The following PDZRN4 variants were observed in gnomAD, a reference collection of about 807,000 sequenced individuals.
PDZRN4 encodes the protein PDZ domain-containing RING finger protein 4.
A neutral mutation model predicts 99.0 loss-of-function variants in PDZRN4; 70 were observed. The observed-to-expected ratio is 0.71, with a 90% CI of 0.58 to 0.86. The LOEUF (loss-of-function observed/expected upper bound fraction) is 0.86, where lower values mean the gene tolerates loss of function less well. Among genes scored for constraint, PDZRN4 ranks in the 40% least tolerant of loss-of-function variants. PDZRN4 has a pLI of 0.00. For synonymous variants in PDZRN4, 551 were observed against 501.6 expected, an observed-to-expected ratio of 1.10 and a Z score of -1.32; for missense variants, 1,474 against 1,331.2, an observed-to-expected ratio of 1.11 and a Z score of -1.67.
chr12:41,228,161 G>A (rs78800525), intron 3 of PDZRN4, among the ~76,000 whole-genome samples: 3,352 of 152,176 alleles, frequency 0.022, 91 homozygotes, highest in African/African-American at 0.064. Context: ...ATTACAGAAC[G>A]TTATGAACAA....
At position 41,416,258 on chromosome 12, in the gene PDZRN4, G is replaced by A. The variant is rs577938166; in HGVS notation, c.844-90198G>A. Among the ~76,000 whole-genome samples the A allele has an allele frequency of 1.8e-3, 272 of 152,218 alleles. 2 individuals carry two copies. Among genetic ancestry groups the A allele is most frequent in the African/African-American group, 6.2e-3 (258 of 41,524 alleles). On this transcript the variant is annotated intron_variant, in intron 3 of 9. Transcript: ENST00000402685. ...TGGTAAGTAAATTTTTATTTTAGAG[G>A]TAACATTTTTCTTCTGTTGTAAATA...
chr12:41,214,694 C>CT (rs988646666), intron 3 of PDZRN4, among the ~76,000 whole-genome samples: 2 of 151,620 alleles, frequency 1.3e-5, no homozygotes, highest in Non-Finnish European at 2.9e-5. Flanking sequence ...TTATAAATGA[C>CT]TTTTTTTTCA....
chr12:41,466,342 T>C (rs1322210347), intron 3 of PDZRN4, among the ~76,000 whole-genome samples: 2 of 152,148 alleles, frequency 1.3e-5, no homozygotes, highest in Non-Finnish European at 2.9e-5. Flanking sequence ...CGCCATTATC[T>C]CCAACACAAA....
chr12:41,340,999 A>G (rs889418336), intron 3 of PDZRN4, among the ~76,000 whole-genome samples: 2 of 151,972 alleles, frequency 1.3e-5, no homozygotes, highest in African/African-American at 4.8e-5. Flanking sequence ...CAGTACATTA[A>G]AAAGATAATT....
intron 3 of PDZRN4, among the ~76,000 whole-genome samples, chr12:41,259,594 G>T (rs1951224242): frequency 6.6e-6 from 1 of 152,248 alleles, no homozygotes; most frequent in South Asian, 2.1e-4. Context: ...GATGACCTTT[G>T]TTGCAGACTA....
At chr12:41,211,510 T>C (rs1015339440) in intron 3 of PDZRN4, among the ~76,000 whole-genome samples, 1 of 151,988 alleles carries the variant, frequency 6.6e-6, no homozygotes, top group Admixed American at 6.6e-5. Context: ...AGCTTTTCTC[T>C]GAGGTGCTCA....
chr12:41,536,534 G>A (rs760511819), intron 5 of PDZRN4, among the ~76,000 whole-genome samples: 5 of 152,090 alleles, frequency 3.3e-5, no homozygotes, highest in Non-Finnish European at 7.4e-5. Flanking sequence ...CAAACCCACA[G>A]AATGTACAAT....
intron 2 of PDZRN4, among the ~76,000 whole-genome samples, 163 bp downstream of exon 2, chr12:41,191,707 A>C (rs1178400019): frequency 6.6e-6 from 1 of 152,180 alleles, no homozygotes; most frequent in African/African-American, 2.4e-5. Flanking sequence ...ATCAAATATC[A>C]GATTTCTTAA....
At chr12:41,524,818 A>G (rs1565605917) in intron 5 of PDZRN4, among the ~76,000 whole-genome samples, 1 of 152,164 alleles carries the variant, frequency 6.6e-6, no homozygotes, top group Non-Finnish European at 1.5e-5. Flanking sequence ...TGGTAAGGAC[A>G]CAGAGAAAGG....
At chr12:41,380,549 T>G (rs765703104) in intron 3 of PDZRN4, among the ~76,000 whole-genome samples, 29 of 152,070 alleles carry the variant, frequency 1.9e-4, no homozygotes, top group Non-Finnish European at 3.5e-4. Context: ...ATAAAATATT[T>G]TATAGTTATA....
chr12:41,426,714 TA>T (rs1269332118), intron 3 of PDZRN4, among the ~76,000 whole-genome samples: 1 of 152,164 alleles, frequency 6.6e-6, no homozygotes, highest in African/African-American at 2.4e-5. Context: ...CTTTTCAAAT[TA>T]GTAACAGATC....
chr12:41,337,329 T>C (rs758260840), intron 3 of PDZRN4, among the ~76,000 whole-genome samples: 1 of 152,120 alleles, frequency 6.6e-6, no homozygotes, highest in Non-Finnish European at 1.5e-5. Context: ...ACCACTGCTC[T>C]GCTTTCCTAT....
intron 3 of PDZRN4, among the ~76,000 whole-genome samples, chr12:41,481,111 C>A (rs1937666476): frequency 6.6e-6 from 1 of 151,946 alleles, no homozygotes; most frequent in Non-Finnish European, 1.5e-5. Context: ...TCTATCTCAC[C>A]ATTTCCCATA....
At chr12:41,227,511 A>G (rs1951002375) in intron 3 of PDZRN4, among the ~76,000 whole-genome samples, 1 of 151,888 alleles carries the variant, frequency 6.6e-6, no homozygotes, top group African/African-American at 2.4e-5. Context: ...CCCAAAATAC[A>G]AAAATTATCC....
chr12:41,559,696 A>T (rs1422805441), intron 7 of PDZRN4, among the ~76,000 whole-genome samples: 2 of 152,164 alleles, frequency 1.3e-5, no homozygotes, highest in African/African-American at 4.8e-5. Flanking sequence ...TGTTCTACAC[A>T]TAAACTCGTT....
intron 3 of PDZRN4, among the ~76,000 whole-genome samples, chr12:41,272,083 T>C (rs1196355618): frequency 6.6e-6 from 1 of 151,636 alleles, no homozygotes; most frequent in Non-Finnish European, 1.5e-5. Flanking sequence ...AATGAAAGAA[T>C]GGCAAAAAAA....
intron 3 of PDZRN4, among the ~76,000 whole-genome samples, chr12:41,441,926 T>G (rs1952683753): frequency 6.6e-6 from 1 of 152,128 alleles, no homozygotes; most frequent in Non-Finnish European, 1.5e-5. Flanking sequence ...ATTCCTGCCT[T>G]CCCACAGTCA....
chr12:41,563,749 C>T lies in PDZRN4; in HGVS notation c.1467+100C>T, dbSNP rs1179592370. 7 of 801,464 alleles carry T rather than the reference C, an allele frequency of 8.7e-6. 1 individual carries two copies. The highest frequency in any genetic ancestry group is 1.4e-5 in the Non-Finnish European group (7 of 492,188). The allele number at this position is 801,464 out of a possible 1,614,324, so 49.6% of individuals were successfully genotyped here. ...AATTATATTCATTATCTGCTATTCT[C>T]TATCAAATCATTATCACGGTTATCT... On this transcript the variant is annotated intron_variant, in intron 8 of 9. Transcript: ENST00000402685.
In PDZRN4 at chr12:41,555,728, G is replaced by A. The variant is rs150158667; in HGVS notation, c.1333G>A (p.Gly445Ser). Reference protein sequence around the residue: ...VDPNSIAAKDGRIREGDRILQ... With the variant: ...VDPNSIAAKDSRIREGDRILQ... Reference sequence around the variant, plus strand: ...CCCAAATAGCATTGCTGCCAAAGACGGCCGGATTCGAGAAGGGGATCGGAT... The same window carrying A: ...CCCAAATAGCATTGCTGCCAAAGACAGCCGGATTCGAGAAGGGGATCGGAT... The change falls in exon 7 of 10, where the codon GGC becomes AGC. Residue 445 changes from glycine to serine, a missense_variant. Physicochemically the swap from Gly to Ser is moderately conservative, Grantham distance 56. Coordinates refer to ENST00000402685, the MANE Select transcript of PDZRN4 (RefSeq NM_001164595.2). 1.0e-4 allele frequency: 169 copies of A among 1,613,884 alleles called. No individual in the cohort carries two copies. The East Asian group carries it at 1.2e-3, about 12-fold the overall frequency.
Sources: allele counts gnomAD v4.1 joint callset (sites outside exome capture counted in the v4.1 genomes callset), GRCh38; gene constraint gnomAD v4.1.1; transcripts MANE v1.5; gene names NCBI Gene and HGNC (gene_info 2026-07-23, HGNC 2026-07-21).